RBM41: variants seen among roughly 807,000 people sequenced by gnomAD.
RBM41 encodes the protein RNA binding motif protein 41, also known as RNA-binding protein 41.
Under a neutral mutation model 30.8 loss-of-function variants are expected in RBM41, and 14 were observed. The ratio of observed to expected loss-of-function variants is 0.45; its 90% CI spans 0.30 to 0.71. The LOEUF (loss-of-function observed/expected upper bound fraction) is 0.71, where lower values mean the gene tolerates loss of function less well. Ranked by LOEUF, RBM41 falls within the 30% of genes least tolerant of loss-of-function variation. The pLI is 0.08. For missense variants in RBM41, 276 were observed against 326.3 expected, an observed-to-expected ratio of 0.85 and a Z score of 1.19; for synonymous variants, 120 against 110.1, an observed-to-expected ratio of 1.09 and a Z score of -0.56.
the RBM41 span, among the ~76,000 whole-genome samples, chrX:107,054,298 A>G: frequency 2.7e-5 from 3 of 111,659 alleles, no homozygotes; most frequent in African/African-American, 9.8e-5. Context: ...GCCACTACCC[A>G]TAAACAATGA....
intron 4 of RBM41, among the ~76,000 whole-genome samples, chrX:107,114,082 T>C (rs544420374): frequency 7.2e-5 from 8 of 111,842 alleles, no homozygotes; most frequent in African/African-American, 2.6e-4. Context: ...TTTTGCCAAT[T>C]GGTAAGTCAC....
At chrX:107,078,883 C>CA (rs576858697) in intron 6 of RBM41, among the ~76,000 whole-genome samples, 2,786 of 99,079 alleles carry the variant, frequency 0.028, 102 homozygotes, top group African/African-American at 0.093. Context: ...CCCCGAATGT[C>CA]AAAAAAAAAA....
the RBM41 span, among the ~76,000 whole-genome samples, chrX:107,055,859 A>AAG: frequency 2.7e-5 from 3 of 112,164 alleles, no homozygotes; most frequent in African/African-American, 9.7e-5. Flanking sequence ...CCTAATGACT[A>AAG]GTCAAATCTA....
intron 6 of RBM41, among the ~76,000 whole-genome samples, chrX:107,077,976 A>G (rs1921138305): frequency 9.0e-6 from 1 of 111,473 alleles, no homozygotes; most frequent in Non-Finnish European, 1.9e-5. Context: ...AGCAGTATTG[A>G]TACATTATTA....
intron 6 of RBM41, among the ~76,000 whole-genome samples, chrX:107,086,368 C>T (rs929076468): frequency 3.6e-5 from 4 of 110,870 alleles, no homozygotes; most frequent in African/African-American, 1.3e-4. Flanking sequence ...AATTCTCAGG[C>T]CCCACTCCAG....
intron 5 of RBM41, among the ~76,000 whole-genome samples, chrX:107,095,531 G>T (rs1263258264): frequency 1.8e-5 from 2 of 109,213 alleles, no homozygotes; most frequent in African/African-American, 6.7e-5. Context: ...AGGTGGCGGA[G>T]ATTGCAGTGA....
rs747350420 is a variant in RBM41 at position 107,115,446 on chromosome X, C to T, written c.429G>A (p.Lys143=). ...TTTCTCGCCGGGTCAGCTGTTTGCTCTTTGCAAATCTCTGTGGCAGGCAAA... is the reference window on the plus strand; with the variant it reads ...TTTCTCGCCGGGTCAGCTGTTTGCTTTTTGCAAATCTCTGTGGCAGGCAAA... ...RILCLPQRFA[K]SKQLTRREME... Residue 143 remains lysine, a synonymous_variant, in exon 4 of 8, where the codon AAG becomes AAA. Transcript: ENST00000685964. 1.7e-5 allele frequency: 21 copies of T among 1,210,122 alleles called. No individual in the cohort carries two copies. In the South Asian group the frequency reaches 3.7e-4, roughly 21 times the overall value.
In RBM41 at chrX:107,067,310, C is replaced by T; in HGVS notation, c.*217G>A. Reference sequence around the variant, plus strand: ...GAAAATAATACTCTTTGCACTTTACCCTTCATACTCAGCATATCATCTGTC... The same window carrying T: ...GAAAATAATACTCTTTGCACTTTACTCTTCATACTCAGCATATCATCTGTC... On this transcript the variant is annotated 3_prime_UTR_variant, in exon 8 of 8. Transcript: ENST00000685964. 2 of 921,283 alleles carry T rather than the reference C, an allele frequency of 2.2e-6. No individual in the cohort carries two copies. Among genetic ancestry groups the T allele is most frequent in the Non-Finnish European group, 2.7e-6 (2 of 741,887 alleles). The allele number at this position is 921,283 out of a possible 1,213,427, so 75.9% of individuals were successfully genotyped here.
intron 5 of RBM41, among the ~76,000 whole-genome samples, chrX:107,094,364 T>C (rs905995920): frequency 1.8e-5 from 2 of 112,285 alleles, no homozygotes; most frequent in Admixed American, 9.4e-5. Context: ...CACACATAAG[T>C]GGGATTTATC....
rs950347392 is a variant in RBM41, at chrX:107,063,368, T to C, written c.*4159A>G. Reference sequence around the variant, plus strand: ...GCATATTCTGAGTTCTTCCATGTTGTAGTATGTGTCAGAAGTGTTCACCAC... The same window carrying C: ...GCATATTCTGAGTTCTTCCATGTTGCAGTATGTGTCAGAAGTGTTCACCAC... On this transcript the variant is annotated 3_prime_UTR_variant, in exon 8 of 8. Transcript: ENST00000685964. Among the ~76,000 whole-genome samples the C allele has an allele frequency of 6.2e-5, 7 of 112,347 alleles. No individual in the cohort carries two copies.
rs759289610 is a variant in RBM41, at chrX:107,115,910, A to G, written c.270T>C (p.Leu90=). The change falls in exon 3 of 8, where the codon CTT becomes CTC. Residue 90 remains leucine (L), a synonymous_variant. Transcript: ENST00000685964. The part of the protein sequence containing the change: ...QETASLRELG[L]NETEILIWKS... ...TCCAGATCAAGATTTCTGTTTCATTAAGCCCTAATTCCCTGAGAGAAGCAG... is the reference window on the plus strand; with the variant it reads ...TCCAGATCAAGATTTCTGTTTCATTGAGCCCTAATTCCCTGAGAGAAGCAG... The G allele has an allele frequency of 2.6e-5, 31 of 1,204,737 alleles. No individual in the cohort carries two copies. Among genetic ancestry groups the G allele is most frequent in the Non-Finnish European group, 3.2e-5 (29 of 892,444 alleles).
At chrX:107,057,287 A>T (rs761659724), downstream of RBM41, among the ~76,000 whole-genome samples, 21 of 111,434 alleles carry the variant, frequency 1.9e-4, no homozygotes, top group South Asian at 4.5e-3. Context: ...TTCTTTATTT[A>T]AAAAAAATAG....
intron 5 of RBM41, among the ~76,000 whole-genome samples, chrX:107,089,178 C>A (rs751656473): frequency 5.4e-4 from 60 of 111,639 alleles, no homozygotes; most frequent in Non-Finnish European, 9.2e-4. Flanking sequence ...ATGTTATGTT[C>A]AAATTGTCCT....
downstream of RBM41, among the ~76,000 whole-genome samples, chrX:107,059,794 T>C (rs1935611968): frequency 8.9e-6 from 1 of 111,815 alleles, no homozygotes; most frequent in Admixed American, 9.5e-5. Context: ...TTACTTATAC[T>C]CCCATCCAAA....
At chrX:107,106,496 T>G (rs1924002123) in intron 5 of RBM41, among the ~76,000 whole-genome samples, 1 of 111,692 alleles carries the variant, frequency 9.0e-6, no homozygotes, top group African/African-American at 3.3e-5. Context: ...AAATACCATT[T>G]GACCCAGCAA....
intron 6 of RBM41, among the ~76,000 whole-genome samples, chrX:107,082,577 G>T (rs1341115326): frequency 9.0e-6 from 1 of 111,194 alleles, no homozygotes; most frequent in Non-Finnish European, 1.9e-5. Context: ...GAGTTAAGAA[G>T]TGTTCCCTCT....
At chrX:107,082,658 T>C (rs1186751485) in intron 6 of RBM41, among the ~76,000 whole-genome samples, 1 of 111,446 alleles carries the variant, frequency 9.0e-6, no homozygotes, top group East Asian at 2.8e-4. Flanking sequence ...CACCCTTCTC[T>C]TAGCCATATC....
chrX:107,082,615 A>C (rs1282671744), intron 6 of RBM41, among the ~76,000 whole-genome samples: 10 of 111,201 alleles, frequency 9.0e-5, no homozygotes, highest in Non-Finnish European at 1.9e-4. Flanking sequence ...AAAGACTGTA[A>C]AAAATGAGTA....
intron 5 of RBM41, among the ~76,000 whole-genome samples, chrX:107,106,370 C>T (rs1490898154): frequency 9.0e-6 from 1 of 110,622 alleles, no homozygotes; most frequent in Admixed American, 9.6e-5. Flanking sequence ...CAGGAAACAA[C>T]AGGTGCTGGA....
Sources: allele counts gnomAD v4.1 joint callset (sites outside exome capture counted in the v4.1 genomes callset), GRCh38; gene constraint gnomAD v4.1.1; transcripts MANE v1.5; gene names NCBI Gene and HGNC (gene_info 2026-07-23, HGNC 2026-07-21).